The following CFAP54 variants were observed in gnomAD, a reference collection of about 807,000 sequenced individuals.
The protein encoded by CFAP54 is cilia- and flagella-associated protein 54.
CFAP54 carries 290 observed loss-of-function variants against 370.4 expected under a neutral mutation model. The ratio of observed to expected loss-of-function variants is 0.78; its 90% confidence interval spans 0.71 to 0.86. The LOEUF (loss-of-function observed/expected upper bound fraction) is 0.86. Among genes scored for constraint, CFAP54 ranks in the 40% least tolerant of loss-of-function variants. The pLI is 0.00. For missense variants in CFAP54, 3,399 were observed against 3,528.7 expected, an observed-to-expected ratio of 0.96 and a Z score of 0.93; for synonymous variants, 1,206 against 1,236.5, an observed-to-expected ratio of 0.98 and a Z score of 0.52.
intron 40 of CFAP54, among the ~76,000 whole-genome samples, chr12:96,681,008 G>C (rs1232661909): frequency 6.6e-6 from 1 of 152,076 alleles, no homozygotes; most frequent in Admixed American, 6.6e-5. Context: ...ACTTGAACCG[G>C]CGGGGCAGAG....
chr12:96,630,459 A>G lies in CFAP54; in HGVS notation c.4216-92A>G. On this transcript the variant is annotated intron_variant, in intron 31 of 67. Transcript: ENST00000524981. The stretch of plus-strand genomic sequence containing the variant: ...TGAGGATATAAACTACTGTATTTCA[A>G]TGTCAAGAGATAAGCATTAGAGTAT... 4.3e-6 allele frequency: 3 copies of G among 702,128 alleles called. No individual in the cohort carries two copies. The East Asian group carries it at 8.7e-5, about 20-fold the overall frequency. 43.5% of individuals were successfully genotyped at this position (702,128 alleles called of 1,614,324 possible).
chr12:96,634,044 A>ATTTTTTTTTTTT (rs1238845346), intron 32 of CFAP54, among the ~76,000 whole-genome samples: 9 of 85,346 alleles, frequency 1.1e-4, no homozygotes, highest in Non-Finnish European at 2.2e-4. Context: ...GATAGCGAAC[A>ATTTTTTTTTTTT]TCTTTTTTTT....
At chr12:96,622,222 G>A (rs528756440) in intron 27 of CFAP54, among the ~76,000 whole-genome samples, 5 of 152,084 alleles carry the variant, frequency 3.3e-5, no homozygotes, top group African/African-American at 1.2e-4. Context: ...TGCCTTCCAA[G>A]CATGAGTCTT....
At chr12:96,576,426 C>A (rs1277706257) in intron 19 of CFAP54, among the ~76,000 whole-genome samples, 159 bp from the exon 20 acceptor site, 1 of 150,820 alleles carries the variant, frequency 6.6e-6, no homozygotes, top group Admixed American at 6.7e-5. Context: ...TTTGCAAAAT[C>A]ATTAAATAGT....
intron 50 of CFAP54, among the ~76,000 whole-genome samples, chr12:96,737,220 T>C (rs1957989226): frequency 6.6e-6 from 1 of 152,098 alleles, no homozygotes; most frequent in African/African-American, 2.4e-5. Flanking sequence ...CAAAAAGCTT[T>C]AGATTTTGAA....
intron 39 of CFAP54, among the ~76,000 whole-genome samples, chr12:96,678,510 C>T (rs550659450): frequency 4.7e-4 from 71 of 152,300 alleles, no homozygotes; most frequent in African/African-American, 1.7e-3. Context: ...CCACGGCCTC[C>T]CAAAGTTCTG....
intron 17 of CFAP54, among the ~76,000 whole-genome samples, chr12:96,560,738 T>C (rs910495182): frequency 3.3e-5 from 5 of 152,190 alleles, no homozygotes; most frequent in African/African-American, 1.2e-4. Context: ...CTCTGCATTG[T>C]AAATGTCCCT....
chr12:96,509,908 A>C (rs563796037), intron 4 of CFAP54, among the ~76,000 whole-genome samples: 2 of 152,140 alleles, frequency 1.3e-5, no homozygotes, highest in South Asian at 4.2e-4. Context: ...CCTCAACTAG[A>C]TTATTTTGAT....
intron 60 of CFAP54, among the ~76,000 whole-genome samples, chr12:96,775,403 C>T (rs1028848777): frequency 3.3e-5 from 5 of 151,976 alleles, no homozygotes; most frequent in East Asian, 1.9e-4. Flanking sequence ...CACTCCAGCC[C>T]AAGCAACAGA....
At chr12:96,648,145 G>C in intron 34 of CFAP54, 128 bp downstream of exon 34, 1 of 596,980 alleles carries the variant, frequency 1.7e-6, no homozygotes, top group South Asian at 6.0e-5. Context: ...CAGCAATTTA[G>C]TTGAGTTTTG....
chr12:96,569,545 C>T (rs1257684575), intron 19 of CFAP54, among the ~76,000 whole-genome samples: 1 of 152,154 alleles, frequency 6.6e-6, no homozygotes, highest in Non-Finnish European at 1.5e-5. Context: ...TACTTTTGTC[C>T]AAGCCAGGTT....
chr12:96,556,968 G>C (rs1171028754), intron 17 of CFAP54, among the ~76,000 whole-genome samples: 3 of 152,082 alleles, frequency 2.0e-5, no homozygotes, highest in Non-Finnish European at 4.4e-5. Flanking sequence ...CTTCATACCT[G>C]GGTAACAAAA....
At chr12:96,571,538 A>G (rs980751660) in intron 19 of CFAP54, among the ~76,000 whole-genome samples, 1 of 152,244 alleles carries the variant, frequency 6.6e-6, no homozygotes, top group African/African-American at 2.4e-5. Context: ...GTTATTTTTC[A>G]TTATTGATAC....
At chr12:96,867,387 C>T (rs7970661) in intron 67 of CFAP54, among the ~76,000 whole-genome samples, 40,745 of 152,040 alleles carry the variant, frequency 0.27, 6,006 homozygotes, top group South Asian at 0.52. Flanking sequence ...TCTGATCCAG[C>T]GATCTAACTA....
At chr12:96,811,080 C>T (rs1292748323) in intron 63 of CFAP54, among the ~76,000 whole-genome samples, 1 of 152,138 alleles carries the variant, frequency 6.6e-6, no homozygotes, top group Admixed American at 6.6e-5. Flanking sequence ...TTTTGATTGG[C>T]AGCTCTGGAC....
chr12:96,753,136 G>A (rs1416639402), intron 55 of CFAP54, among the ~76,000 whole-genome samples: 1 of 152,130 alleles, frequency 6.6e-6, no homozygotes, highest in Non-Finnish European at 1.5e-5. Flanking sequence ...ATGTCTGCCT[G>A]TCTGGCTCTG....
At chr12:96,739,248 A>C (rs186685010) in intron 50 of CFAP54, among the ~76,000 whole-genome samples, 1 of 152,288 alleles carries the variant, frequency 6.6e-6, no homozygotes. Context: ...TTTGGAATAC[A>C]TTTTCAAAAG....
intron 67 of CFAP54, among the ~76,000 whole-genome samples, chr12:96,867,479 A>G (rs1031650266): frequency 2.6e-5 from 4 of 152,180 alleles, no homozygotes; most frequent in Non-Finnish European, 5.9e-5. Flanking sequence ...ATTACTCTCA[A>G]TAGCCAGGAT....
chr12:96,561,778 T>C (rs1476529461), intron 17 of CFAP54, among the ~76,000 whole-genome samples: 1 of 145,386 alleles, frequency 6.9e-6, no homozygotes, highest in Non-Finnish European at 1.5e-5. Flanking sequence ...AAGTTCTTTT[T>C]TTTTTTTTTT....
Sources: gnomAD v4.1 joint callset for allele counts (sites outside exome capture counted in the v4.1 genomes callset) on GRCh38, gnomAD v4.1.1 for gene constraint, MANE v1.5 for transcripts, NCBI Gene and HGNC (gene_info 2026-07-23, HGNC 2026-07-21) for gene names.